The following CTNNA2 variants were observed in gnomAD, a reference collection of about 807,000 sequenced individuals.
The protein encoded by CTNNA2 is catenin alpha-2.
A neutral mutation model predicts 101.0 loss-of-function variants in CTNNA2; 42 were observed. The ratio of observed to expected loss-of-function variants is 0.42; its 90% CI spans 0.32 to 0.54. The LOEUF (loss-of-function observed/expected upper bound fraction) is 0.54, where lower values mean the gene tolerates loss of function less well. Ranked by LOEUF, CTNNA2 falls within the 20% of genes least tolerant of loss-of-function variation. The pLI is 0.14. For synonymous variants in CTNNA2, 450 were observed against 456.4 expected (o/e 0.99, Z 0.18); for missense variants, 871 against 1,223.1 (o/e 0.71, Z 4.29).
chr2:79,743,085 C>G (rs1036577240), intron 2 of CTNNA2, among the ~76,000 whole-genome samples: 1 of 152,008 alleles, frequency 6.6e-6, no homozygotes, highest in Admixed American at 6.6e-5. Context: ...GACTGGCTTT[C>G]TTAATAACCT....
chr2:79,821,219 A>T (rs1262208541), intron 3 of CTNNA2, among the ~76,000 whole-genome samples: 3 of 151,830 alleles, frequency 2.0e-5, no homozygotes, highest in African/African-American at 4.8e-5. Flanking sequence ...TTTTTATTTT[A>T]TTTTTTTTAG....
intron 2 of CTNNA2, among the ~76,000 whole-genome samples, chr2:79,651,891 G>T (rs983442779): frequency 1.3e-5 from 2 of 152,164 alleles, no homozygotes; most frequent in African/African-American, 4.8e-5. Flanking sequence ...GATAATTGAA[G>T]AGGGGTCCTT....
chr2:79,801,238 C>G (rs1436221579), intron 3 of CTNNA2, among the ~76,000 whole-genome samples: 2 of 152,142 alleles, frequency 1.3e-5, no homozygotes, highest in Admixed American at 1.3e-4. Context: ...TGACCAGCTT[C>G]CCACAGATGG....
intron 7 of CTNNA2, among the ~76,000 whole-genome samples, chr2:80,336,843 T>C (rs1017932507): frequency 2.6e-5 from 4 of 152,216 alleles, no homozygotes; most frequent in Non-Finnish European, 5.9e-5. Flanking sequence ...TTTTAATTCA[T>C]GCAAGATGAA....
At chr2:79,542,821 C>A (rs1324515169) in intron 1 of CTNNA2, among the ~76,000 whole-genome samples, 1 of 152,040 alleles carries the variant, frequency 6.6e-6, no homozygotes, top group Admixed American at 6.6e-5. Context: ...TAAAAACTAT[C>A]AAAAATGAAT....
chr2:79,449,847 G>A (rs1371997023), intron 4 of CTNNA2, among the ~76,000 whole-genome samples: 2 of 152,018 alleles, frequency 1.3e-5, no homozygotes, highest in African/African-American at 2.4e-5. Context: ...ATGGGTAAAT[G>A]TGTGGGGTCA....
intron 7 of CTNNA2, among the ~76,000 whole-genome samples, chr2:80,083,366 A>C (rs2148808036): frequency 6.6e-6 from 1 of 152,286 alleles, no homozygotes; most frequent in African/African-American, 2.4e-5. Context: ...TAACTGCTTC[A>C]GTAGGCTGCT....
intron 4 of CTNNA2, among the ~76,000 whole-genome samples, chr2:79,868,968 T>C (rs914236515): frequency 1.3e-5 from 2 of 152,230 alleles, no homozygotes; most frequent in South Asian, 2.1e-4. Context: ...AGTTTAATGG[T>C]GTCCACAGAT....
At chr2:79,692,044 GC>G (rs1444759412) in intron 2 of CTNNA2, among the ~76,000 whole-genome samples, 1 of 152,116 alleles carries the variant, frequency 6.6e-6, no homozygotes, top group Non-Finnish European at 1.5e-5. Context: ...AAACTAAGGA[GC>G]TTCTTCACAG....
intron 7 of CTNNA2, among the ~76,000 whole-genome samples, chr2:80,150,915 T>G (rs1703657167): frequency 6.6e-6 from 1 of 152,194 alleles, no homozygotes; most frequent in African/African-American, 2.4e-5. Flanking sequence ...GCAGGTAAGC[T>G]GCTGGATGTG....
At chr2:80,029,494 T>C (rs1027070761) in intron 7 of CTNNA2, 1 of 152,154 alleles carries the variant, frequency 6.6e-6, no homozygotes, top group Non-Finnish European at 1.5e-5. Context: ...GAACCTTAGG[T>C]CATTTCCTGA....
intron 1 of CTNNA2, among the ~76,000 whole-genome samples, chr2:79,608,670 T>G (rs772317618): frequency 2.0e-5 from 3 of 152,110 alleles, no homozygotes; most frequent in Non-Finnish European, 4.4e-5. Flanking sequence ...ATGATCACCT[T>G]AGTGGAACAG....
intron 15 of CTNNA2, among the ~76,000 whole-genome samples, chr2:80,592,484 TA>T (rs2149744114): frequency 6.6e-6 from 1 of 152,324 alleles, no homozygotes; most frequent in East Asian, 1.9e-4. Context: ...CATCTGACCT[TA>T]CAACCTATTC....
In CTNNA2 at chr2:80,592,684, G is replaced by A. The variant is rs1055967608; in HGVS notation, c.2189+3199G>A. The stretch of plus-strand genomic sequence containing the variant: ...CTCTGAAAAGTGACTTTTATGGTTC[G>A]ATACATTTGCAAATACCCTTTTTAT... On this transcript the variant is annotated intron_variant, in intron 15 of 18. Coordinates refer to ENST00000402739, the MANE Select transcript of CTNNA2 (RefSeq NM_001282597.3). 4.0e-5 allele frequency among the ~76,000 whole-genome samples: 6 copies of A among 150,936 alleles called. 1 individual carries two copies. In the South Asian group the frequency reaches 8.4e-4, roughly 21 times the overall value.
intron 2 of CTNNA2, among the ~76,000 whole-genome samples, chr2:79,243,306 G>A (rs1299658331): frequency 6.6e-6 from 1 of 152,094 alleles, no homozygotes; most frequent in Non-Finnish European, 1.5e-5. Flanking sequence ...TTCAGTCAGA[G>A]TTGTCTCAAC....
intron 5 of CTNNA2, among the ~76,000 whole-genome samples, chr2:79,872,323 A>G (rs72809770): frequency 0.084 from 12,835 of 152,084 alleles, 754 homozygotes; most frequent in Non-Finnish European, 0.12. Flanking sequence ...CAAGTGTTTT[A>G]TGGAGAGATT....
intron 9 of CTNNA2, among the ~76,000 whole-genome samples, chr2:80,489,768 A>C (rs1686892140): frequency 6.6e-6 from 1 of 152,202 alleles, no homozygotes; most frequent in African/African-American, 2.4e-5. Flanking sequence ...ATGTATTCTC[A>C]TGGAAATGAA....
At chr2:80,023,559 A>T (rs912814743) in intron 7 of CTNNA2, among the ~76,000 whole-genome samples, 8 of 152,168 alleles carry the variant, frequency 5.3e-5, no homozygotes, top group African/African-American at 1.9e-4. Context: ...TTTCCAAAGT[A>T]CGTAGGACTT....
chr2:79,464,581 C>A (rs2104539013), intron 4 of CTNNA2, among the ~76,000 whole-genome samples: 1 of 152,276 alleles, frequency 6.6e-6, no homozygotes, highest in Non-Finnish European at 1.5e-5. Context: ...AATGGTTGAA[C>A]TAGTTTACAG....
Sources: allele counts gnomAD v4.1 joint callset (sites outside exome capture counted in the v4.1 genomes callset), GRCh38; gene constraint gnomAD v4.1.1; transcripts MANE v1.5; gene names NCBI Gene and HGNC (gene_info 2026-07-23, HGNC 2026-07-21).